Variants in PDZD2 observed in about 807,000 individuals in gnomAD.
The protein encoded by PDZD2 is PDZ domain containing 2.
In PDZD2, 90 loss-of-function variants were observed where a neutral mutation model predicts 220.7. That is an observed-to-expected ratio of 0.41 (90% CI 0.34 to 0.49). The LOEUF (loss-of-function observed/expected upper bound fraction) is 0.49. Among genes scored for constraint, PDZD2 ranks in the 20% least tolerant of loss-of-function variants. PDZD2 has a pLI of 0.28. For synonymous variants in PDZD2, 1,375 were observed against 1,450.5 expected, an observed-to-expected ratio of 0.95 and a Z score of 1.18; for missense variants, 3,174 against 3,608.5, an observed-to-expected ratio of 0.88 and a Z score of 3.08.
At chr5:32,065,565 C>T (rs148690324) in intron 14 of PDZD2, among the ~76,000 whole-genome samples, 37 of 152,318 alleles carry the variant, frequency 2.4e-4, no homozygotes, top group African/African-American at 8.7e-4. Context: ...TAAATTAGTG[C>T]TATCAAGCTA....
intron 2 of PDZD2, among the ~76,000 whole-genome samples, chr5:31,824,277 C>T (rs914455949): frequency 2.6e-5 from 4 of 152,122 alleles, no homozygotes; most frequent in African/African-American, 7.2e-5. Context: ...CCTACAGAAC[C>T]GTGAGCTAAT....
chr5:31,984,590 C>T (rs1462170653), intron 3 of PDZD2, among the ~76,000 whole-genome samples: 1 of 151,876 alleles, frequency 6.6e-6, no homozygotes, highest in African/African-American at 2.4e-5. Flanking sequence ...GACTGTAGTC[C>T]CAGCAGCTTG....
In PDZD2 at chr5:31,839,128, G is replaced by A. The variant is rs141783164; in HGVS notation, c.476+39404G>A. Among the ~76,000 whole-genome samples the A allele has an allele frequency of 1.1e-3, 164 of 152,286 alleles. 1 individual carries two copies. In the East Asian group the frequency reaches 0.012, roughly 11 times the overall value. On this transcript the variant is annotated intron_variant, in intron 2 of 24. Transcript: ENST00000438447. ...TGCAGAAAGACAGGAAAAGGTCATC[G>A]CTTTTGAGTTCCTTCAGTTTGCTTT...
intron 2 of PDZD2, among the ~76,000 whole-genome samples, chr5:31,980,194 T>G (rs1278412380): frequency 6.6e-6 from 1 of 152,142 alleles, no homozygotes; most frequent in Non-Finnish European, 1.5e-5. Flanking sequence ...CTATTAGCAG[T>G]GAGTCCCAAT....
chr5:31,987,836 T>C lies in PDZD2; in HGVS notation c.978+4180T>C, dbSNP rs563204620. Reference sequence around the variant, plus strand: ...TCTCACTGAAAATCCTGGGAAACCCTCCGTCCTAGGGAGAGTGGGACAGCT... The same window carrying C: ...TCTCACTGAAAATCCTGGGAAACCCCCCGTCCTAGGGAGAGTGGGACAGCT... On this transcript the variant is annotated intron_variant, in intron 3 of 24. Transcript: ENST00000438447. Among the ~76,000 whole-genome samples the C allele has an allele frequency of 2.2e-4, 34 of 152,246 alleles. No individual in the cohort carries two copies. In the Middle Eastern group the frequency reaches 0.017, roughly 76 times the overall value.
chr5:31,927,162 A>G (rs1744860590), intron 2 of PDZD2, among the ~76,000 whole-genome samples: 1 of 152,230 alleles, frequency 6.6e-6, no homozygotes, highest in African/African-American at 2.4e-5. Context: ...CCTCAGCATC[A>G]TACAATATAC....
chr5:31,726,760 A>C (rs921066251), intron 1 of PDZD2, among the ~76,000 whole-genome samples: 1 of 152,188 alleles, frequency 6.6e-6, no homozygotes, highest in African/African-American at 2.4e-5. Context: ...GTTCTAGAGC[A>C]CAAGTTTGGC....
chr5:31,942,347 C>T (rs767447835), intron 2 of PDZD2, among the ~76,000 whole-genome samples: 1 of 151,206 alleles, frequency 6.6e-6, no homozygotes, highest in Non-Finnish European at 1.5e-5. Flanking sequence ...TAAAGAGAAG[C>T]TAAGTGTGAG....
At chr5:31,885,990 C>T in intron 2 of PDZD2, among the ~76,000 whole-genome samples, 1 of 151,902 alleles carries the variant, frequency 6.6e-6, no homozygotes, top group East Asian at 1.9e-4. Flanking sequence ...GCCTCTGCCT[C>T]CCGGGTTCAA....
At chr5:31,758,364 C>T (rs1274325526) in intron 1 of PDZD2, among the ~76,000 whole-genome samples, 1 of 152,178 alleles carries the variant, frequency 6.6e-6, no homozygotes, top group Non-Finnish European at 1.5e-5. Context: ...GGCAGCCTTA[C>T]AGGCCAGGGA....
chr5:31,728,215 C>T (rs1324650886), intron 1 of PDZD2, among the ~76,000 whole-genome samples: 1 of 151,954 alleles, frequency 6.6e-6, no homozygotes, highest in Non-Finnish European at 1.5e-5. Context: ...GCCAATAGCA[C>T]AGCACTCCCC....
chr5:31,723,309 A>G (rs1748913358), intron 1 of PDZD2, among the ~76,000 whole-genome samples: 2 of 111,568 alleles, frequency 1.8e-5, no homozygotes, highest in East Asian at 7.6e-4. Context: ...TAAGCAAGCA[A>G]TCTGAGATTT....
chr5:31,863,144 C>G (rs920579233), intron 2 of PDZD2, among the ~76,000 whole-genome samples: 1 of 152,230 alleles, frequency 6.6e-6, no homozygotes, highest in Non-Finnish European at 1.5e-5. Context: ...CTCGACCTCC[C>G]AAAGTGCTGG....
At chr5:31,943,434 G>A (rs1418901364) in intron 2 of PDZD2, among the ~76,000 whole-genome samples, 1 of 152,100 alleles carries the variant, frequency 6.6e-6, no homozygotes, top group Non-Finnish European at 1.5e-5. Context: ...ATCCACATTG[G>A]TATGGTAGGA....
At position 31,781,476 on chromosome 5, in the gene PDZD2, A is replaced by C. The variant is rs886092670; in HGVS notation, c.-360-17413A>C. 2.6e-5 allele frequency among the ~76,000 whole-genome samples: 4 copies of C among 152,186 alleles called. No individual in the cohort carries two copies. The East Asian group carries it at 7.7e-4, about 29-fold the overall frequency. On this transcript the variant is annotated intron_variant, in intron 1 of 24. Coordinates refer to ENST00000438447, the MANE Select transcript of PDZD2 (RefSeq NM_178140.4). ...TCTGTTAGGGGGTAAAAAGGGAGGA[A>C]GTGGTGGGTATACAGTGCACAGTGT... is the stretch of plus-strand genomic sequence containing the variant.
intron 1 of PDZD2, among the ~76,000 whole-genome samples, chr5:31,734,666 T>C (rs796960216): frequency 4.6e-5 from 7 of 152,228 alleles, no homozygotes; most frequent in African/African-American, 1.7e-4. Context: ...GATTGACCTT[T>C]GGCTTCATTG....
intron 1 of PDZD2, among the ~76,000 whole-genome samples, chr5:31,682,687 G>C (rs1230867270): frequency 4.7e-5 from 2 of 42,536 alleles, no homozygotes; most frequent in African/African-American, 1.1e-4. Context: ...GTGTGTGTGT[G>C]TGTGTGTGTG....
intron 1 of PDZD2, among the ~76,000 whole-genome samples, chr5:31,708,224 G>GC (rs1306466135): frequency 6.6e-6 from 1 of 152,144 alleles, no homozygotes; most frequent in Non-Finnish European, 1.5e-5. Flanking sequence ...CCGCCTCTGA[G>GC]CACATATATG....
intron 12 of PDZD2, among the ~76,000 whole-genome samples, chr5:32,058,539 T>TGG (rs1739346241): frequency 6.6e-6 from 1 of 151,498 alleles, no homozygotes; most frequent in Admixed American, 6.6e-5. Context: ...CTGGGCGTGG[T>TGG]GGCAAGCGCC....
Sources: allele counts gnomAD v4.1 joint callset (sites outside exome capture counted in the v4.1 genomes callset), GRCh38; gene constraint gnomAD v4.1.1; transcripts MANE v1.5; gene names NCBI Gene and HGNC (gene_info 2026-07-23, HGNC 2026-07-21).